Variants in NBAS observed in about 807,000 individuals in gnomAD.
NBAS encodes NBAS subunit of NRZ tethering complex, also known as NAG/BC035112 fusion.
NBAS carries 219 observed loss-of-function variants against 302.5 expected under a neutral mutation model. The observed-to-expected ratio is 0.72, with a 90% confidence interval of 0.65 to 0.81. NBAS has a LOEUF of 0.81. Among genes scored for constraint, NBAS ranks in the 30% least tolerant of loss-of-function variants. The pLI, the probability that NBAS is intolerant of heterozygous loss-of-function variation, is 0.00. For missense variants in NBAS, 2,932 were observed against 2,841.6 expected (o/e 1.03, Z -0.72); for synonymous variants, 1,118 against 1,021.6 (o/e 1.09, Z -1.80).
chr2:15,365,116 A>G (rs1572724784), intron 32 of NBAS, among the ~76,000 whole-genome samples: 2 of 152,230 alleles, frequency 1.3e-5, no homozygotes, highest in African/African-American at 4.8e-5. Context: ...CTAAGAGTCT[A>G]AATTCTCAGA....
At chr2:15,427,839 A>G in intron 21 of NBAS, 45 bp from the exon 22 acceptor site, 1 of 1,436,978 alleles carries the variant, frequency 7.0e-7, no homozygotes, top group Non-Finnish European at 9.7e-7. Flanking sequence ...ACATTACCTC[A>G]ATGACTTAGC....
At position 15,402,141 on chromosome 2, in the gene NBAS, TAAGACTGGCATAC is replaced by T; in HGVS notation, c.3071+14_3071+26del. 6.2e-7 allele frequency: 1 copy of T among 1,612,786 alleles called. No homozygotes were observed. The highest frequency in any genetic ancestry group is 8.5e-7 in the Non-Finnish European group (1 of 1,179,058). ...TAACTGTTAGAATAAAAAAACACAA[TAAGACTGGCATAC>T]TGTGTATTCTTACCCATATCCTCTT... On this transcript the variant is annotated intron_variant, in intron 26 of 51. Transcript: ENST00000281513.
the NBAS span, among the ~76,000 whole-genome samples, chr2:15,159,612 G>A: frequency 6.6e-6 from 1 of 151,766 alleles, no homozygotes; most frequent in African/African-American, 2.4e-5. Context: ...TTAAGGGCTG[G>A]GGGGAGGAAA....
At chr2:15,523,775 G>C (rs11677612) in intron 9 of NBAS, among the ~76,000 whole-genome samples, 80,280 of 151,960 alleles carry the variant, frequency 0.53, 23,867 homozygotes, top group Non-Finnish European at 0.68. Context: ...TTAGCTGGGC[G>C]TGGTGGTAGA....
At chr2:15,560,724 G>C (rs1365647044) in intron 1 of NBAS, among the ~76,000 whole-genome samples, 1 of 152,110 alleles carries the variant, frequency 6.6e-6, no homozygotes, top group South Asian at 2.1e-4. Context: ...GCTGCAGACT[G>C]TAAGGTCCTG....
chr2:15,458,383 C>A (rs146867992), intron 21 of NBAS, among the ~76,000 whole-genome samples: 1 of 152,216 alleles, frequency 6.6e-6, no homozygotes, highest in South Asian at 2.1e-4. Flanking sequence ...GTGCTGGAGG[C>A]GGGGTTTGGG....
In NBAS at chr2:15,238,449, G is replaced by C; in HGVS notation, c.5943+19C>G. On this transcript the variant is annotated intron_variant, in intron 45 of 51. Coordinates refer to ENST00000281513, the MANE Select transcript of NBAS (RefSeq NM_015909.4). The stretch of plus-strand genomic sequence containing the variant: ...TATACTGATACAGAGTGAGCATATA[G>C]AAGTTCCCATTTCTTTACCTGCTCA... 1 of 1,604,272 alleles carries C rather than the reference G, an allele frequency of 6.2e-7. No homozygotes were observed. Among genetic ancestry groups the C allele is most frequent in the Non-Finnish European group, 8.5e-7 (1 of 1,171,092 alleles).
intron 5 of NBAS, 86 bp from the exon 6 acceptor site, chr2:15,551,622 C>T: frequency 1.0e-6 from 1 of 958,972 alleles, no homozygotes; most frequent in Non-Finnish European, 1.6e-6. Context: ...ACTAGACAGC[C>T]TCTATATACA....
chr2:15,178,370 C>G (rs2125115929), intron 51 of NBAS, among the ~76,000 whole-genome samples: 1 of 152,230 alleles, frequency 6.6e-6, no homozygotes, highest in Admixed American at 6.5e-5. Flanking sequence ...AAACACAACC[C>G]TAAGCTATCT....
the NBAS span, among the ~76,000 whole-genome samples, chr2:15,088,893 A>T: frequency 5.2e-3 from 785 of 152,338 alleles, 12 homozygotes; most frequent in African/African-American, 0.018. Context: ...GATTCAGGCC[A>T]ATAGACGGGC....
the NBAS span, among the ~76,000 whole-genome samples, chr2:14,874,545 C>T: frequency 6.7e-6 from 1 of 149,872 alleles, no homozygotes; most frequent in Non-Finnish European, 1.5e-5. Context: ...GAGGCTGAGG[C>T]AGGAGAATGG....
At chr2:15,138,772 T>C in the NBAS span, among the ~76,000 whole-genome samples, 1 of 152,240 alleles carries the variant, frequency 6.6e-6, no homozygotes, top group Non-Finnish European at 1.5e-5. Flanking sequence ...GTATCAGTTT[T>C]GTGCAGTGGC....
chr2:14,989,632 T>A, the NBAS span, among the ~76,000 whole-genome samples: 1 of 152,146 alleles, frequency 6.6e-6, no homozygotes, highest in Non-Finnish European at 1.5e-5. Context: ...GTAGAATGAA[T>A]GGCATAAATT....
At chr2:15,378,464 A>C (rs1674866008) in intron 30 of NBAS, among the ~76,000 whole-genome samples, 2 of 152,194 alleles carry the variant, frequency 1.3e-5, no homozygotes, top group Non-Finnish European at 2.9e-5. Flanking sequence ...ATGTGCCTTG[A>C]CTTACAATGT....
rs73914842 is a variant in NBAS at position 15,356,545 on chromosome 2, G to C, written c.3818-129C>G. The C allele has an allele frequency of 0.011, 8,187 of 747,616 alleles. 471 individuals are homozygous for C. In the African/African-American group the frequency reaches 0.13, roughly 12 times the overall value. 46.3% of individuals were successfully genotyped at this position (747,616 alleles called of 1,614,324 possible). A position where few individuals can be genotyped will look rare whatever the true frequency, so the allele number is the denominator to read the frequency against. ...AGATTACAGGGATTTTAAATGATGA[G>C]AGGAAAAAGTTGCTTTGACCTTTCA... On this transcript the variant is annotated intron_variant, in intron 32 of 51. Transcript: ENST00000281513.
At chr2:14,978,242 T>C in the NBAS span, among the ~76,000 whole-genome samples, 2 of 152,314 alleles carry the variant, frequency 1.3e-5, no homozygotes, top group Non-Finnish European at 2.9e-5. Flanking sequence ...CTCATATCTC[T>C]ACTATGGAAT....
At chr2:15,487,132 CAA>C (rs1206800296) in intron 12 of NBAS, among the ~76,000 whole-genome samples, 2 of 152,082 alleles carry the variant, frequency 1.3e-5, no homozygotes, top group African/African-American at 2.4e-5. Flanking sequence ...CTTTATTATT[CAA>C]AGTTTTCACC....
At position 15,342,187 on chromosome 2, in the gene NBAS, T is replaced by C. The variant is rs1485185413; in HGVS notation, c.4179+9805A>G. On this transcript the variant is annotated intron_variant, in intron 35 of 51. Coordinates refer to ENST00000281513, the MANE Select transcript of NBAS (RefSeq NM_015909.4). ...ACACTAGCATGAATATACAAAGATG[T>C]GTACGTAGAATGCACAGTGCAGTTT... 2.0e-5 allele frequency among the ~76,000 whole-genome samples: 3 copies of C among 152,142 alleles called. No individual in the cohort carries two copies. In the East Asian group the frequency reaches 5.8e-4, roughly 29 times the overall value.
the NBAS span, among the ~76,000 whole-genome samples, chr2:14,895,486 C>G: frequency 6.6e-6 from 1 of 152,144 alleles, no homozygotes; most frequent in Non-Finnish European, 1.5e-5. Flanking sequence ...CGCCTGTAAT[C>G]CCAGCACTTT....
Sources: gnomAD v4.1 joint callset for allele counts (sites outside exome capture counted in the v4.1 genomes callset) on GRCh38, gnomAD v4.1.1 for gene constraint, MANE v1.5 for transcripts, NCBI Gene and HGNC (gene_info 2026-07-23, HGNC 2026-07-21) for gene names.